Variants in MPPED2 observed in about 807,000 individuals in gnomAD.
MPPED2 encodes metallophosphoesterase domain containing 2.
MPPED2 carries 5 observed loss-of-function variants against 33.0 expected under a neutral mutation model. The ratio of observed to expected loss-of-function variants is 0.15; its 90% CI spans 0.08 to 0.32. MPPED2 has a LOEUF of 0.32. Ranked by LOEUF, MPPED2 falls within the 10% of genes least tolerant of loss-of-function variation. The pLI is 1.00. For missense variants in MPPED2, 275 were observed against 372.1 expected (o/e 0.74, Z 2.15); for synonymous variants, 136 against 141.9 (o/e 0.96, Z 0.29).
chr11:30,494,660 C>T (rs568496), intron 4 of MPPED2, among the ~76,000 whole-genome samples: 13,122 of 145,292 alleles, frequency 0.09, 746 homozygotes, highest in African/African-American at 0.16. Flanking sequence ...ATTGCTCGAA[C>T]CCAGGAGGCG....
chr11:30,582,579 C>G (rs540261286), intron 1 of MPPED2, among the ~76,000 whole-genome samples: 110 of 152,156 alleles, frequency 7.2e-4, no homozygotes, highest in Non-Finnish European at 1.2e-3. Context: ...TTAAACCAAG[C>G]AAATGTGGCC....
intron 4 of MPPED2, among the ~76,000 whole-genome samples, chr11:30,437,773 G>A (rs1949389095): frequency 6.6e-6 from 1 of 151,872 alleles, no homozygotes; most frequent in South Asian, 2.1e-4. Flanking sequence ...GAAGAAATCT[G>A]ACCTCACCAA....
chr11:30,441,882 A>C (rs148958627), intron 4 of MPPED2, among the ~76,000 whole-genome samples: 1 of 152,258 alleles, frequency 6.6e-6, no homozygotes, highest in Admixed American at 6.5e-5. Context: ...TCTTATTCAC[A>C]ACCCATGAAA....
intron 2 of MPPED2, among the ~76,000 whole-genome samples, chr11:30,542,681 G>A (rs1955194161): frequency 6.6e-6 from 1 of 151,930 alleles, no homozygotes; most frequent in Admixed American, 6.6e-5. Context: ...TTCAATTTTT[G>A]TTTAAGGTAT....
intron 1 of MPPED2, among the ~76,000 whole-genome samples, chr11:30,582,698 T>C (rs3758906): frequency 0.43 from 65,201 of 152,058 alleles, 14,221 homozygotes; most frequent in South Asian, 0.52. Flanking sequence ...AGAGACAGAA[T>C]TTAGCAGCTG....
At chr11:30,465,244 C>T (rs566278966) in intron 4 of MPPED2, among the ~76,000 whole-genome samples, 1 of 152,156 alleles carries the variant, frequency 6.6e-6, no homozygotes, top group Non-Finnish European at 1.5e-5. Flanking sequence ...ACACACTGGA[C>T]AGTAAATGTT....
At chr11:30,486,938 T>C (rs2134158724) in intron 4 of MPPED2, among the ~76,000 whole-genome samples, 1 of 152,278 alleles carries the variant, frequency 6.6e-6, no homozygotes, top group East Asian at 1.9e-4. Context: ...TCACTGGGTG[T>C]CTAATCTGTG....
At chr11:30,532,122 A>T (rs1954559641) in intron 3 of MPPED2, among the ~76,000 whole-genome samples, 3 of 152,222 alleles carry the variant, frequency 2.0e-5, no homozygotes, top group African/African-American at 7.2e-5. Flanking sequence ...GACACATGTA[A>T]TGCAGGGGTA....
In MPPED2 at chr11:30,440,101, G is replaced by C. The variant is rs1011790659; in HGVS notation, c.537-22468C>G. Among the ~76,000 whole-genome samples the C allele has an allele frequency of 1.3e-5, 2 of 152,036 alleles. 1 individual carries two copies. The highest frequency in any genetic ancestry group is 4.1e-4 in the South Asian group (2 of 4,828). On this transcript the variant is annotated intron_variant, in intron 4 of 6. Transcript: ENST00000358117. ...TTCCAGCACTTTGGGAGGCTGAGGC[G>C]GGGGGATTACCTGAGGTCAGGAGTT...
At chr11:30,559,338 T>C (rs1406664066) in intron 2 of MPPED2, among the ~76,000 whole-genome samples, 1 of 152,202 alleles carries the variant, frequency 6.6e-6, no homozygotes, top group African/African-American at 2.4e-5. Flanking sequence ...AAATGTATTG[T>C]AAATTGCAAT....
At chr11:30,424,530 T>C (rs1948747924) in intron 4 of MPPED2, among the ~76,000 whole-genome samples, 1 of 152,170 alleles carries the variant, frequency 6.6e-6, no homozygotes, top group African/African-American at 2.4e-5. Context: ...GTCATGATAA[T>C]TCTTGATCTC....
intron 2 of MPPED2, among the ~76,000 whole-genome samples, chr11:30,543,792 CTTTTTT>C (rs35206591): frequency 9.4e-6 from 1 of 106,626 alleles, no homozygotes; most frequent in African/African-American, 3.2e-5. Flanking sequence ...TGGCGTTGTT[CTTTTTT>C]TTTTTTTTTT....
At chr11:30,579,196 G>A (rs1350850039) in intron 2 of MPPED2, among the ~76,000 whole-genome samples, 2 of 148,748 alleles carry the variant, frequency 1.3e-5, no homozygotes, top group East Asian at 2.0e-4. Context: ...GGGTGGGGGG[G>A]TGTGTGTATT....
intron 2 of MPPED2, 81 bp from the exon 3 acceptor site, chr11:30,536,256 T>C (rs1565162686): frequency 3.2e-6 from 4 of 1,258,156 alleles, no homozygotes; most frequent in Non-Finnish European, 3.1e-6. Context: ...ATATTTATTA[T>C]TATTCGTGAA....
At chr11:30,459,654 G>A (rs1950440467) in intron 4 of MPPED2, among the ~76,000 whole-genome samples, 1 of 152,034 alleles carries the variant, frequency 6.6e-6, no homozygotes, top group Non-Finnish European at 1.5e-5. Flanking sequence ...TCTCTCTCTG[G>A]TATCATATTA....
chr11:30,454,932 G>A (rs1950218192), intron 4 of MPPED2, among the ~76,000 whole-genome samples: 1 of 152,122 alleles, frequency 6.6e-6, no homozygotes, highest in Admixed American at 6.5e-5. Context: ...AGTGCCAAAG[G>A]GTGGAGAAGC....
At chr11:30,502,556 T>C (rs79810554) in intron 3 of MPPED2, among the ~76,000 whole-genome samples, 81 of 152,314 alleles carry the variant, frequency 5.3e-4, no homozygotes, top group African/African-American at 1.9e-3. Context: ...TGTGGGAGCC[T>C]ACCCAGTGAA....
At position 30,495,343 on chromosome 11, in the gene MPPED2, T is replaced by C. The variant is rs1188761014; in HGVS notation, c.489A>G (p.Gln163=). Residue 163 remains glutamine, a synonymous_variant, in exon 4 of 7, where the codon CAA becomes CAG. Transcript: ENST00000358117. ...ATCCCTTCACTGTTACCTCCGAATCTTGTAAGTAAATACTGTTTGTCAGGA... is the reference window on the plus strand; with the variant it reads ...ATCCCTTCACTGTTACCTCCGAATCCTGTAAGTAAATACTGTTTGTCAGGA... The part of the protein sequence containing the change: ...QSLLTNSIYL[Q]DSEVTVKGFR... 1 of 1,614,152 alleles carries C rather than the reference T, an allele frequency of 6.2e-7. No homozygotes were observed.
chr11:30,386,023 C>CTTAT (rs1361876556), exon 7 of MPPED2: 1 of 152,166 alleles, frequency 6.6e-6, no homozygotes, highest in East Asian at 1.9e-4. Context: ...AGGACCCCTT[C>CTTAT]TTATTCATTG....
Sources: allele counts gnomAD v4.1 joint callset (sites outside exome capture counted in the v4.1 genomes callset), GRCh38; gene constraint gnomAD v4.1.1; transcripts MANE v1.5; gene names NCBI Gene and HGNC (gene_info 2026-07-23, HGNC 2026-07-21).